Variants in SNRPG observed in about 807,000 individuals in gnomAD.
SNRPG encodes the protein small nuclear ribonucleoprotein G.
SNRPG carries 3 observed loss-of-function variants against 13.9 expected under a neutral mutation model. That is an observed-to-expected ratio of 0.22 (90% confidence interval 0.10 to 0.56). The LOEUF (loss-of-function observed/expected upper bound fraction) is 0.56, where lower values mean the gene tolerates loss of function less well. Ranked by LOEUF, SNRPG falls within the 20% of genes least tolerant of loss-of-function variation. SNRPG has a pLI of 0.93. For synonymous variants in SNRPG, 29 were observed against 29.3 expected (o/e 0.99, Z 0.03); for missense variants, 34 against 96.1 (o/e 0.35, Z 2.70).
intron 2 of SNRPG, 101 bp downstream of exon 2, chr2:70,289,249 G>C (rs1697019085): frequency 2.8e-6 from 2 of 723,216 alleles, no homozygotes; most frequent in South Asian, 1.6e-5. Context: ...CATCGCGCCT[G>C]GCTGCTTTAA....
At chr2:70,282,849 T>G (rs1243042634) in intron 3 of SNRPG, among the ~76,000 whole-genome samples, 1 of 151,734 alleles carries the variant, frequency 6.6e-6, no homozygotes, top group Non-Finnish European at 1.5e-5. Flanking sequence ...ATCCCAGCAC[T>G]TTGGGAGGCC....
chr2:70,287,559 G>A (rs927662468), intron 3 of SNRPG, among the ~76,000 whole-genome samples: 19 of 152,088 alleles, frequency 1.2e-4, no homozygotes, highest in African/African-American at 4.6e-4. Context: ...TTTTACCTTG[G>A]CTACCTTAAA....
In SNRPG at chr2:70,283,775, A is replaced by G. The variant is rs1286265801; in HGVS notation, c.181-2091T>C. On this transcript the variant is annotated intron_variant, in intron 3 of 3. Transcript: ENST00000272348. ...TAGTAAAGAGCAGATTTAAAAAAGAATGGCTGGGCATGGTGGCTCACGCCT... is the reference window on the plus strand; with the variant it reads ...TAGTAAAGAGCAGATTTAAAAAAGAGTGGCTGGGCATGGTGGCTCACGCCT... Among the ~76,000 whole-genome samples the G allele has an allele frequency of 2.0e-5, 3 of 152,190 alleles. No individual in the cohort carries two copies. In the East Asian group the frequency reaches 5.8e-4, roughly 29 times the overall value.
chr2:70,287,440 G>A (rs561087882), intron 3 of SNRPG: 12 of 673,016 alleles, frequency 1.8e-5, no homozygotes, highest in East Asian at 1.4e-4. Flanking sequence ...CTAAAACTAC[G>A]GCCCAATGAA....
chr2:70,283,615 G>A (rs1178458480), intron 3 of SNRPG, among the ~76,000 whole-genome samples: 4 of 152,150 alleles, frequency 2.6e-5, no homozygotes, highest in African/African-American at 4.8e-5. Flanking sequence ...CACACAGAGG[G>A]CTCAATAACC....
chr2:70,290,302 G>A (rs1366845385), intron 1 of SNRPG, among the ~76,000 whole-genome samples: 2 of 151,898 alleles, frequency 1.3e-5, no homozygotes, highest in Non-Finnish European at 2.9e-5. Flanking sequence ...GAAATAAGTA[G>A]TGTTCTTTTA....
intron 3 of SNRPG, among the ~76,000 whole-genome samples, chr2:70,285,861 A>C (rs1305179765): frequency 6.6e-6 from 1 of 152,112 alleles, no homozygotes; most frequent in Non-Finnish European, 1.5e-5. Context: ...GCCACTGACA[A>C]CTCTGGGGAT....
At chr2:70,291,611 G>C (rs1055839098) in intron 1 of SNRPG, among the ~76,000 whole-genome samples, 3 of 152,132 alleles carry the variant, frequency 2.0e-5, no homozygotes, top group African/African-American at 7.2e-5. Context: ...ACCAGAAGGA[G>C]GGCATAATGG....
chr2:70,282,374 G>C (rs955205425), intron 3 of SNRPG, among the ~76,000 whole-genome samples: 1 of 152,158 alleles, frequency 6.6e-6, no homozygotes, highest in Admixed American at 6.5e-5. Flanking sequence ...GGGAAATTGT[G>C]AAAGGCATGC....
At chr2:70,283,096 C>CAAAAAA (rs57862220) in intron 3 of SNRPG, among the ~76,000 whole-genome samples, 265 of 13,940 alleles carry the variant, frequency 0.019, 7 homozygotes, top group Non-Finnish European at 0.021. Context: ...TGTCTTTTGT[C>CAAAAAA]AAAAAAAAAA....
At chr2:70,288,330 T>C in intron 2 of SNRPG, 138 bp from the exon 3 acceptor site, 3 of 670,156 alleles carry the variant, frequency 4.5e-6, no homozygotes, top group Non-Finnish European at 7.7e-6. Flanking sequence ...AGAACTGGGT[T>C]AAACATTTTT....
intron 3 of SNRPG, among the ~76,000 whole-genome samples, chr2:70,285,782 C>T (rs575142072): frequency 1.3e-5 from 2 of 152,224 alleles, no homozygotes; most frequent in East Asian, 3.9e-4. Flanking sequence ...TTCAATGATG[C>T]TACAGAAGGA....
intron 1 of SNRPG, among the ~76,000 whole-genome samples, chr2:70,292,016 C>T (rs1697111719): frequency 2.7e-5 from 4 of 146,110 alleles, no homozygotes; most frequent in East Asian, 2.0e-4. Context: ...GGCGCGATCT[C>T]GGCTCACTGC....
intron 1 of SNRPG, among the ~76,000 whole-genome samples, chr2:70,291,014 AACACACACACACACACACACACAC>A (rs56202448): frequency 3.0e-5 from 4 of 133,584 alleles, no homozygotes; most frequent in African/African-American, 8.5e-5. Context: ...TCCATCTCAA[AACACACACACACACACACACACAC>A]ACACACACAC....
intron 3 of SNRPG, among the ~76,000 whole-genome samples, chr2:70,284,361 G>C (rs1039315300): frequency 2.0e-5 from 3 of 152,038 alleles, no homozygotes; most frequent in Non-Finnish European, 2.9e-5. Context: ...TGCTTACCTA[G>C]TTATCAGAAT....
chr2:70,292,763 G>A (rs928441001), intron 1 of SNRPG: 10 of 191,110 alleles, frequency 5.2e-5, no homozygotes, highest in Non-Finnish European at 7.7e-5. Context: ...ACTGATCCCT[G>A]TAAAAATTTT....
At position 70,293,655 on chromosome 2, in the gene SNRPG, A is replaced by C. The variant is rs1697164651; in HGVS notation, c.-6T>G. On this transcript the variant is annotated 5_prime_UTR_variant, in exon 1 of 4. Transcript: ENST00000272348. ...GGAGGGTGAGCTTTGCTCATGGTGT[A>C]TACTCCGCGGGCTCACAGATGCCTT... is the stretch of plus-strand genomic sequence containing the variant. The C allele has an allele frequency of 6.2e-7, 1 of 1,613,912 alleles. No individual in the cohort carries two copies. Among genetic ancestry groups the C allele is most frequent in the Non-Finnish European group, 8.5e-7 (1 of 1,179,892 alleles).
rs1048504149 is a variant in SNRPG, at chr2:70,293,341, G to A, written c.32+277C>T. 1.3e-5 allele frequency: 8 copies of A among 636,898 alleles called. No homozygotes were observed. The African/African-American group carries it at 1.5e-4, about 12-fold the overall frequency. 39.5% of individuals were successfully genotyped at this position (636,898 alleles called of 1,614,324 possible). A position where few individuals can be genotyped will look rare whatever the true frequency, so the allele number is the denominator to read the frequency against. ...GCACTGGAGATCTTCAAGGAACGAG[G>A]GACAGCGCCGGGTGACCAGGGGCCA... On this transcript the variant is annotated intron_variant, in intron 1 of 3. Coordinates refer to ENST00000272348, the MANE Select transcript of SNRPG (RefSeq NM_003096.4).
chr2:70,291,010 TCAAAACA>T (rs1416387130), intron 1 of SNRPG, among the ~76,000 whole-genome samples: 1 of 83,884 alleles, frequency 1.2e-5, no homozygotes, highest in East Asian at 3.5e-4. Context: ...AAACTCCATC[TCAAAACA>T]CACACACACA....
Sources: allele counts gnomAD v4.1 joint callset (sites outside exome capture counted in the v4.1 genomes callset), GRCh38; gene constraint gnomAD v4.1.1; transcripts MANE v1.5; gene names NCBI Gene and HGNC (gene_info 2026-07-23, HGNC 2026-07-21).